The following LUZP2 variants were observed in gnomAD, a reference collection of about 807,000 sequenced individuals.
LUZP2 encodes the protein leucine zipper protein 2.
Under a neutral mutation model 51.6 loss-of-function variants are expected in LUZP2, and 52 were observed. The observed-to-expected ratio is 1.01, with a 90% CI of 0.81 to 1.27. LUZP2 has a LOEUF of 1.27. LUZP2 is among the 50% of genes most tolerant of loss of function. The pLI is 0.00. For missense variants in LUZP2, 436 were observed against 395.4 expected (o/e 1.10, Z -0.87); for synonymous variants, 154 against 137.3 (o/e 1.12, Z -0.85).
chr11:24,859,116 G>A (rs1851656058), intron 5 of LUZP2, among the ~76,000 whole-genome samples: 1 of 152,022 alleles, frequency 6.6e-6, no homozygotes, highest in South Asian at 2.1e-4. Flanking sequence ...AGAAGAAGAT[G>A]ACTTAATATA....
intron 1 of LUZP2, among the ~76,000 whole-genome samples, chr11:24,566,873 ATT>A (rs1393935251): frequency 2.8e-5 from 4 of 143,244 alleles, no homozygotes; most frequent in African/African-American, 5.1e-5. Context: ...ATATACACAT[ATT>A]TATAACATAT....
chr11:24,519,077 C>T (rs1311507063), intron 1 of LUZP2, among the ~76,000 whole-genome samples: 4 of 152,172 alleles, frequency 2.6e-5, no homozygotes, highest in African/African-American at 9.7e-5. Flanking sequence ...TAGCAAATGG[C>T]CTTTGGGCTC....
In LUZP2 at chr11:25,000,957, A is replaced by C. The variant is rs537183043; in HGVS notation, c.765+17664A>C. Among the ~76,000 whole-genome samples, 5 of 152,280 alleles carry C rather than the reference A, an allele frequency of 3.3e-5. No homozygotes were observed. In the South Asian group the frequency reaches 1.0e-3, roughly 32 times the overall value. ...GGATAATGAAGTAGATAAACTGGCT[A>C]TTCTGGTTCCTGTAGCAGTGGCCAT... On this transcript the variant is annotated intron_variant, in intron 9 of 11. Transcript: ENST00000336930.
intron 5 of LUZP2, among the ~76,000 whole-genome samples, chr11:24,811,087 T>G (rs149130096): frequency 6.6e-6 from 1 of 152,164 alleles, no homozygotes; most frequent in Non-Finnish European, 1.5e-5. Flanking sequence ...CAGTTTGTTT[T>G]CATAGACTTC....
At chr11:25,038,223 T>G (rs1027893813) in intron 9 of LUZP2, among the ~76,000 whole-genome samples, 1 of 152,150 alleles carries the variant, frequency 6.6e-6, no homozygotes, top group Non-Finnish European at 1.5e-5. Flanking sequence ...TTAAAAAATT[T>G]TTCTGTCTGA....
At chr11:24,699,058 A>C (rs968189031) in intron 1 of LUZP2, among the ~76,000 whole-genome samples, 1 of 150,126 alleles carries the variant, frequency 6.7e-6, no homozygotes, top group Admixed American at 6.7e-5. Context: ...CACTGTCTGA[A>C]AATAAATAAA....
chr11:24,785,854 G>A (rs1849232105), intron 5 of LUZP2: 1 of 985,192 alleles, frequency 1.0e-6, no homozygotes, highest in South Asian at 4.7e-5. Context: ...GCTGACTCTG[G>A]GAAATTGCTC....
At chr11:24,750,581 G>T (rs1859541674) in intron 4 of LUZP2, among the ~76,000 whole-genome samples, 1 of 152,070 alleles carries the variant, frequency 6.6e-6, no homozygotes, top group Non-Finnish European at 1.5e-5. Context: ...AAACCAATAT[G>T]AAGACAAAAT....
intron 4 of LUZP2, among the ~76,000 whole-genome samples, chr11:24,752,038 A>G (rs942435187): frequency 3.3e-5 from 5 of 152,180 alleles, no homozygotes; most frequent in Admixed American, 6.6e-5. Context: ...ACAAATTTAT[A>G]GAAAGCATCA....
chr11:25,002,360 A>G (rs1395036806), intron 9 of LUZP2, among the ~76,000 whole-genome samples: 1 of 152,188 alleles, frequency 6.6e-6, no homozygotes, highest in Admixed American at 6.5e-5. Context: ...AGTCTGGACT[A>G]TAATTTGTTG....
chr11:24,972,266 T>A (rs1384914385), intron 7 of LUZP2, among the ~76,000 whole-genome samples: 1 of 152,064 alleles, frequency 6.6e-6, no homozygotes, highest in Non-Finnish European at 1.5e-5. Flanking sequence ...TGTTATTGAT[T>A]GCCTTTATGA....
At chr11:24,639,414 A>T (rs759124898) in intron 1 of LUZP2, among the ~76,000 whole-genome samples, 1 of 151,108 alleles carries the variant, frequency 6.6e-6, no homozygotes, top group Non-Finnish European at 1.5e-5. Flanking sequence ...GTTTCCCCTT[A>T]TATTTTATTT....
chr11:24,889,261 G>C (rs1214662766), intron 5 of LUZP2, among the ~76,000 whole-genome samples: 2 of 152,138 alleles, frequency 1.3e-5, no homozygotes, highest in African/African-American at 4.8e-5. Flanking sequence ...TGGGTGGGGG[G>C]CAAAAATATT....
In LUZP2 at chr11:25,081,032, T is replaced by TTG. The variant is rs796907770; in HGVS notation, c.*2375_*2376insGT. 8.2e-6 allele frequency: 1 copy of TTG among 121,962 alleles called. No individual in the cohort carries two copies. The highest frequency in any genetic ancestry group is 3.9e-5 in the African/African-American group (1 of 25,800). 7.6% of individuals were successfully genotyped at this position (121,962 alleles called of 1,614,324 possible). On this transcript the variant is annotated 3_prime_UTR_variant, in exon 12 of 12. Transcript: ENST00000336930. ...AAGTGGGCTTTGGATCCATATGATTTTTTTTTTTTTTTTTTTTTGAGATGA... is the reference window on the plus strand; with the variant it reads ...AAGTGGGCTTTGGATCCATATGATTTTGTTTTTTTTTTTTTTTTTTGAGATGA...
chr11:24,659,934 A>T (rs1855961562), intron 1 of LUZP2, among the ~76,000 whole-genome samples: 1 of 152,110 alleles, frequency 6.6e-6, no homozygotes, highest in Non-Finnish European at 1.5e-5. Context: ...ATTAGATGGC[A>T]AAGGTGAGAG....
rs1430785375 is a variant in LUZP2, at chr11:24,892,014, G to A, written c.397-13977G>A. On this transcript the variant is annotated intron_variant, in intron 5 of 11. Coordinates refer to ENST00000336930, the MANE Select transcript of LUZP2 (RefSeq NM_001009909.4). ...GGCATGGGACTGGTAGTGCAGGCTG[G>A]CTCTTGGAAAGGAGTATGTATTCCA... 3.0e-6 allele frequency: 3 copies of A among 985,496 alleles called. No homozygotes were observed. In the African/African-American group the frequency reaches 5.2e-5, roughly 17 times the overall value. The allele number at this position is 985,496 out of a possible 1,614,324, so 61.0% of individuals were successfully genotyped here.
chr11:25,008,805 G>A (rs77194605), intron 9 of LUZP2, among the ~76,000 whole-genome samples: 4,313 of 152,218 alleles, frequency 0.028, 194 homozygotes, highest in African/African-American at 0.094. Flanking sequence ...ATGTGTGACT[G>A]AGTCCAGGGT....
At chr11:24,916,659 T>C (rs1249929380) in intron 7 of LUZP2, among the ~76,000 whole-genome samples, 1 of 152,158 alleles carries the variant, frequency 6.6e-6, no homozygotes, top group Admixed American at 6.5e-5. Flanking sequence ...ACAAAGGACA[T>C]GAACTCATCT....
chr11:24,903,570 T>C (rs1367403248), intron 5 of LUZP2, among the ~76,000 whole-genome samples: 2 of 152,194 alleles, frequency 1.3e-5, no homozygotes, highest in Admixed American at 6.5e-5. Context: ...CTCCTGGTGC[T>C]TATCCAATTG....
Sources: gnomAD v4.1 joint callset for allele counts (sites outside exome capture counted in the v4.1 genomes callset) on GRCh38, gnomAD v4.1.1 for gene constraint, MANE v1.5 for transcripts, NCBI Gene and HGNC (gene_info 2026-07-23, HGNC 2026-07-21) for gene names.